RAB10: variants seen among roughly 807,000 people sequenced by gnomAD.
The protein encoded by RAB10 is RAB10, member RAS oncogene family.
RAB10 carries 5 observed loss-of-function variants against 25.7 expected under a neutral mutation model. The ratio of observed to expected loss-of-function variants is 0.19; its 90% CI spans 0.10 to 0.41. The LOEUF is 0.41. Ranked by LOEUF, RAB10 falls within the 10% of genes least tolerant of loss-of-function variation. The probability of loss-of-function intolerance (pLI) is 1.00; values close to 1 mark genes in which losing one functional copy is unlikely to be tolerated. For missense variants in RAB10, 103 were observed against 245.8 expected, an observed-to-expected ratio of 0.42 and a Z score of 3.89; for synonymous variants, 89 against 86.4, an observed-to-expected ratio of 1.03 and a Z score of -0.16.
At chr2:26,114,958 T>C (rs1667653180) in intron 3 of RAB10, among the ~76,000 whole-genome samples, 1 of 151,906 alleles carries the variant, frequency 6.6e-6, no homozygotes, top group South Asian at 2.1e-4. Flanking sequence ...TCTAAAGCCA[T>C]GAAGTGGCAA....
rs1339464370 is a variant in RAB10 at position 26,135,900 on chromosome 2, C to T, written c.*879C>T. 6.6e-6 allele frequency: 1 copy of T among 152,600 alleles called. No individual in the cohort carries two copies. Among genetic ancestry groups the T allele is most frequent in the African/African-American group, 2.4e-5 (1 of 41,440 alleles). The allele number at this position is 152,600 out of a possible 1,614,324, so 9.5% of individuals were successfully genotyped here. ...AGTTTAATATAAAGCACTGATGTAA[C>T]TTGCTAGGTAAACGGAAAGATAAGT... On this transcript the variant is annotated 3_prime_UTR_variant, in exon 6 of 6. Coordinates refer to ENST00000264710, the MANE Select transcript of RAB10 (RefSeq NM_016131.5).
chr2:26,035,381 C>T (rs948636174), intron 1 of RAB10, among the ~76,000 whole-genome samples: 2 of 152,176 alleles, frequency 1.3e-5, no homozygotes, highest in African/African-American at 4.8e-5. Flanking sequence ...TGTCCTCAAA[C>T]CCAACGGAGT....
chr2:26,092,685 T>C (rs1302207080), intron 1 of RAB10, among the ~76,000 whole-genome samples: 2 of 152,164 alleles, frequency 1.3e-5, no homozygotes, highest in Non-Finnish European at 2.9e-5. Flanking sequence ...CGCTTTCAGA[T>C]TGTATCCTTA....
chr2:26,091,187 A>G (rs540070983), intron 1 of RAB10, among the ~76,000 whole-genome samples: 12 of 152,296 alleles, frequency 7.9e-5, no homozygotes, highest in Non-Finnish European at 1.2e-4. Flanking sequence ...ATTTAACTCA[A>G]TTAAACAGAT....
At chr2:26,058,586 G>A (rs1174738186) in intron 1 of RAB10, among the ~76,000 whole-genome samples, 1 of 152,024 alleles carries the variant, frequency 6.6e-6, no homozygotes, top group African/African-American at 2.4e-5. Context: ...ATACCTCTTT[G>A]CTTAGAGCTT....
chr2:26,097,396 C>G (rs1191220637), intron 1 of RAB10, among the ~76,000 whole-genome samples: 2 of 152,254 alleles, frequency 1.3e-5, no homozygotes, highest in East Asian at 3.9e-4. Flanking sequence ...GCGTCAGCCT[C>G]CCAAGTAGCT....
chr2:26,092,476 A>T (rs1667130339), intron 1 of RAB10, among the ~76,000 whole-genome samples: 1 of 152,128 alleles, frequency 6.6e-6, no homozygotes, highest in Admixed American at 6.6e-5. Flanking sequence ...GTGAGGAAGG[A>T]TCCTTAACCT....
At chr2:26,099,746 A>G (rs6758545) in intron 2 of RAB10, among the ~76,000 whole-genome samples, 126,138 of 151,672 alleles carry the variant, frequency 0.83, 52,786 homozygotes, top group African/African-American at 0.94. Context: ...ATTTCACTGT[A>G]TTAGCCAGGA....
Position 26,034,498 on chromosome 2 carries a change from C to T in RAB10, c.-111C>T. On this transcript the variant is annotated 5_prime_UTR_variant, in exon 1 of 6. Coordinates refer to ENST00000264710, the MANE Select transcript of RAB10 (RefSeq NM_016131.5). ...CCCGCGCCGTCTCGAGCCTTTTTCC[C>T]ACGCTTCCCCGGTCCTCCGGCCTGA... The T allele has an allele frequency of 6.9e-7, 1 of 1,458,202 alleles. No homozygotes were observed. The highest frequency in any genetic ancestry group is 9.3e-7 in the Non-Finnish European group (1 of 1,080,416). 90.3% of individuals were successfully genotyped at this position (1,458,202 alleles called of 1,614,324 possible).
intron 1 of RAB10, among the ~76,000 whole-genome samples, chr2:26,059,213 C>G (rs543259267): frequency 6.6e-6 from 1 of 152,274 alleles, no homozygotes; most frequent in South Asian, 2.1e-4. Context: ...ACAGTGGACT[C>G]TTTATTTAGG....
At chr2:26,043,864 G>A (rs1665941333) in intron 1 of RAB10, among the ~76,000 whole-genome samples, 1 of 152,168 alleles carries the variant, frequency 6.6e-6, no homozygotes, top group Admixed American at 6.5e-5. Flanking sequence ...CCAATGAATT[G>A]TACACTTAAA....
At chr2:26,049,106 C>T (rs1016122938) in intron 1 of RAB10, among the ~76,000 whole-genome samples, 1 of 151,112 alleles carries the variant, frequency 6.6e-6, no homozygotes, top group African/African-American at 2.4e-5. Flanking sequence ...CTGTGTTTTC[C>T]TAAAAGTTTT....
intron 1 of RAB10, among the ~76,000 whole-genome samples, chr2:26,058,676 G>A (rs1216176388): frequency 6.6e-6 from 1 of 152,142 alleles, no homozygotes; most frequent in Non-Finnish European, 1.5e-5. Flanking sequence ...GCACACTCCT[G>A]CCTCAGGACC....
At chr2:26,078,349 C>T (rs1321710726) in intron 1 of RAB10, among the ~76,000 whole-genome samples, 1 of 152,016 alleles carries the variant, frequency 6.6e-6, no homozygotes, top group Non-Finnish European at 1.5e-5. Flanking sequence ...TACAGAGGAC[C>T]CTGTATAATG....
chr2:26,116,102 C>T (rs1397133065), intron 3 of RAB10, among the ~76,000 whole-genome samples: 9 of 152,018 alleles, frequency 5.9e-5, no homozygotes, highest in South Asian at 4.1e-4. Flanking sequence ...CTCCTGACTT[C>T]GTGATCTACC....
chr2:26,071,404 T>G (rs1394579990), intron 1 of RAB10, among the ~76,000 whole-genome samples: 2 of 152,142 alleles, frequency 1.3e-5, no homozygotes, highest in Admixed American at 1.3e-4. Context: ...GATTGGAATT[T>G]TGGCCAGGCG....
upstream of RAB10, among the ~76,000 whole-genome samples, chr2:26,033,447 A>C (rs1326573887): frequency 6.6e-6 from 1 of 152,240 alleles, no homozygotes; most frequent in Non-Finnish European, 1.5e-5. Flanking sequence ...CGGCGTGGCC[A>C]GCTTTTCCAT....
At chr2:26,128,427 CAG>C (rs1203651127) in intron 5 of RAB10, among the ~76,000 whole-genome samples, 3 of 152,088 alleles carry the variant, frequency 2.0e-5, no homozygotes, top group African/African-American at 4.8e-5. Context: ...ACTGGGGAAA[CAG>C]AAAGCCATCT....
rs1667206819 is a variant in RAB10 at position 26,096,232 on chromosome 2, T to C, written c.128-2430T>C. On this transcript the variant is annotated intron_variant, in intron 1 of 5. Coordinates refer to ENST00000264710, the MANE Select transcript of RAB10 (RefSeq NM_016131.5). ...CCCTGTCTTTCACTTTGCTTTTTACTGTCTTTTTACTCCATTTATTGCCTT... is the reference window on the plus strand; with the variant it reads ...CCCTGTCTTTCACTTTGCTTTTTACCGTCTTTTTACTCCATTTATTGCCTT... Among the ~76,000 whole-genome samples the C allele has an allele frequency of 2.0e-5, 3 of 152,360 alleles. No homozygotes were observed. The South Asian group carries it at 6.2e-4, about 32-fold the overall frequency.
Sources: gnomAD v4.1 joint callset for allele counts (sites outside exome capture counted in the v4.1 genomes callset) on GRCh38, gnomAD v4.1.1 for gene constraint, MANE v1.5 for transcripts, NCBI Gene and HGNC (gene_info 2026-07-23, HGNC 2026-07-21) for gene names.